EIF4G3: variants seen among roughly 807,000 people sequenced by gnomAD.
EIF4G3 encodes the protein eukaryotic translation initiation factor 4 gamma 3, also known as eIF-4-gamma 3.
Under a neutral mutation model 186.4 loss-of-function variants are expected in EIF4G3, and 34 were observed. The ratio of observed to expected loss-of-function variants is 0.18; its 90% CI spans 0.14 to 0.24. EIF4G3 has a LOEUF of 0.24. Ranked by LOEUF, EIF4G3 falls within the 10% of genes least tolerant of loss-of-function variation. The pLI is 1.00. For synonymous variants in EIF4G3, 673 were observed against 679.5 expected (o/e 0.99, Z 0.15); for missense variants, 1,536 against 1,948.5 (o/e 0.79, Z 3.99).
intron 2 of EIF4G3, among the ~76,000 whole-genome samples, chr1:21,107,739 T>C (rs934885507): frequency 1.3e-5 from 2 of 152,142 alleles, no homozygotes; most frequent in Non-Finnish European, 2.9e-5. Context: ...AGTGAAGTGG[T>C]ACAATCATGG....
At chr1:20,916,695 C>T (rs375389210) in intron 14 of EIF4G3, among the ~76,000 whole-genome samples, 4 of 152,036 alleles carry the variant, frequency 2.6e-5, no homozygotes, top group Admixed American at 6.6e-5. Flanking sequence ...GCTTAATACT[C>T]GGATTTTAAG....
At chr1:20,897,424 AG>A (rs1403586689) in intron 16 of EIF4G3, among the ~76,000 whole-genome samples, 1 of 151,420 alleles carries the variant, frequency 6.6e-6, no homozygotes, top group Non-Finnish European at 1.5e-5. Flanking sequence ...AAAAAAAAAA[AG>A]CAAAAGGACA....
intron 14 of EIF4G3, among the ~76,000 whole-genome samples, chr1:20,914,595 AT>A (rs1176871130): frequency 6.6e-6 from 1 of 152,214 alleles, no homozygotes; most frequent in Non-Finnish European, 1.5e-5. Flanking sequence ...CTGTAAGATA[AT>A]TAATGTGTAT....
chr1:21,058,717 C>CT (rs2094704578), intron 3 of EIF4G3, among the ~76,000 whole-genome samples: 4 of 104,620 alleles, frequency 3.8e-5, no homozygotes, highest in South Asian at 4.3e-4. Flanking sequence ...CTCTCTCTCT[C>CT]TCTTTTTTTT....
At chr1:21,141,266 G>A (rs1385123855) in intron 2 of EIF4G3, among the ~76,000 whole-genome samples, 1 of 152,068 alleles carries the variant, frequency 6.6e-6, no homozygotes, top group East Asian at 1.9e-4. Flanking sequence ...CTCTTTCTGT[G>A]CCATGTTACA....
At chr1:21,106,590 T>C (rs2096622630) in intron 2 of EIF4G3, among the ~76,000 whole-genome samples, 1 of 152,196 alleles carries the variant, frequency 6.6e-6, no homozygotes, top group Non-Finnish European at 1.5e-5. Flanking sequence ...ATAAAAATTC[T>C]GAAATGCCTA....
chr1:21,078,079 G>A (rs11583954), intron 3 of EIF4G3, among the ~76,000 whole-genome samples: 1,629 of 152,064 alleles, frequency 0.011, 25 homozygotes, highest in African/African-American at 0.037. Flanking sequence ...GGAAATCAGT[G>A]CATTAAAATT....
intron 2 of EIF4G3, among the ~76,000 whole-genome samples, chr1:21,098,537 C>G (rs2096435765): frequency 1.9e-5 from 1 of 51,436 alleles, no homozygotes; most frequent in Admixed American, 2.9e-4. Flanking sequence ...GAGGCCCTGT[C>G]TCGAAAAAAA....
intron 18 of EIF4G3, among the ~76,000 whole-genome samples, chr1:20,889,386 A>T (rs996691418): frequency 6.6e-6 from 1 of 152,252 alleles, no homozygotes; most frequent in Non-Finnish European, 1.5e-5. Context: ...AAATAAGTAT[A>T]AATGGCAAAT....
At chr1:21,159,424 A>G (rs1464759741) in intron 2 of EIF4G3, among the ~76,000 whole-genome samples, 5 of 150,740 alleles carry the variant, frequency 3.3e-5, no homozygotes, top group Admixed American at 1.3e-4. Flanking sequence ...GTGACAGAGC[A>G]AGGGTTTAAA....
intron 2 of EIF4G3, among the ~76,000 whole-genome samples, chr1:21,160,751 C>T (rs1251552074): frequency 2.0e-5 from 3 of 152,160 alleles, no homozygotes; most frequent in African/African-American, 7.2e-5. Context: ...GGAATCGTTA[C>T]AAACCATAAG....
intron 29 of EIF4G3, among the ~76,000 whole-genome samples, chr1:20,847,277 A>C (rs2071437695): frequency 6.6e-6 from 1 of 152,208 alleles, no homozygotes. Context: ...GTAAGTCCTC[A>C]GTAAATGCCC....
intron 8 of EIF4G3, among the ~76,000 whole-genome samples, chr1:20,981,783 A>G (rs377509602): frequency 6.6e-6 from 1 of 151,846 alleles, no homozygotes; most frequent in Admixed American, 6.6e-5. Context: ...ATATATACAT[A>G]CATATATGTA....
chr1:21,024,449 GGGGGGAAAGGT>G (rs2091692708), intron 4 of EIF4G3, among the ~76,000 whole-genome samples: 1 of 151,940 alleles, frequency 6.6e-6, no homozygotes. Flanking sequence ...GGAATAGAAA[GGGGGGAAAGGT>G]GGGGAAAAGA....
At chr1:21,139,632 T>C (rs905277343) in intron 2 of EIF4G3, among the ~76,000 whole-genome samples, 1 of 152,194 alleles carries the variant, frequency 6.6e-6, no homozygotes, top group African/African-American at 2.4e-5. Flanking sequence ...CTAATTCTCT[T>C]AAGCTAGGGG....
intron 23 of EIF4G3, among the ~76,000 whole-genome samples, chr1:20,861,256 T>C (rs909153911): frequency 6.6e-6 from 1 of 152,180 alleles, no homozygotes; most frequent in African/African-American, 2.4e-5. Flanking sequence ...CTTTCTCTAG[T>C]GTAGGGCTTG....
At chr1:20,965,420 G>C (rs1406444679) in intron 12 of EIF4G3, among the ~76,000 whole-genome samples, 1 of 152,112 alleles carries the variant, frequency 6.6e-6, no homozygotes, top group Non-Finnish European at 1.5e-5. Context: ...CTGCTGTGCT[G>C]GCATTAACAA....
At chr1:21,099,900 C>G (rs1275645860) in intron 2 of EIF4G3, among the ~76,000 whole-genome samples, 1 of 152,096 alleles carries the variant, frequency 6.6e-6, no homozygotes, top group Non-Finnish European at 1.5e-5. Context: ...AAAAGCATGT[C>G]CATGTAAAAC....
Position 20,827,635 on chromosome 1 carries a change from G to T in EIF4G3, c.4251C>A (p.His1417Gln). 1 of 1,609,072 alleles carries T rather than the reference G, an allele frequency of 6.2e-7. No homozygotes were observed. Among genetic ancestry groups the T allele is most frequent in the Non-Finnish European group, 8.5e-7 (1 of 1,175,850 alleles). The stretch of plus-strand genomic sequence containing the variant: ...CACTCACCATTTGTTTGCATAGTAG[G>T]TGCAATATTTCAGATAGCAAGACCC... Reference protein sequence around the residue: ...RAGVLLSEILHLLCKQMSHKK... With the variant: ...RAGVLLSEILQLLCKQMSHKK... Residue 1417 changes from histidine to glutamine, a missense_variant, in exon 32 of 37, where the codon CAC becomes CAA. By Grantham distance (24) the His-to-Gln change is conservative. Transcript: ENST00000602326.
Sources: gnomAD v4.1 joint callset for allele counts (sites outside exome capture counted in the v4.1 genomes callset) on GRCh38, gnomAD v4.1.1 for gene constraint, MANE v1.5 for transcripts, NCBI Gene and HGNC (gene_info 2026-07-23, HGNC 2026-07-21) for gene names.